The following ANO3 variants were observed in gnomAD, a reference collection of about 807,000 sequenced individuals.
The protein encoded by ANO3 is anoctamin-3.
ANO3 carries 99 observed loss-of-function variants against 144.8 expected under a neutral mutation model. The ratio of observed to expected loss-of-function variants is 0.68; its 90% confidence interval spans 0.58 to 0.81. The LOEUF (loss-of-function observed/expected upper bound fraction) is 0.81, where lower values mean the gene tolerates loss of function less well. Ranked by LOEUF, ANO3 falls within the 30% of genes least tolerant of loss-of-function variation. The probability of loss-of-function intolerance (pLI) is 0.00; values close to 1 mark genes in which losing one functional copy is unlikely to be tolerated. For synonymous variants in ANO3, 414 were observed against 392.6 expected (o/e 1.05, Z -0.64); for missense variants, 905 against 1,202.2 (o/e 0.75, Z 3.66).
intron 1 of ANO3, among the ~76,000 whole-genome samples, chr11:26,190,803 A>T (rs1264855377): frequency 1.3e-5 from 2 of 152,202 alleles, no homozygotes; most frequent in Admixed American, 6.5e-5. Flanking sequence ...CCTAGAAGAC[A>T]CTTCCACCTT....
chr11:26,219,109 A>G (rs1852091463), intron 1 of ANO3, among the ~76,000 whole-genome samples: 1 of 152,180 alleles, frequency 6.6e-6, no homozygotes, highest in Non-Finnish European at 1.5e-5. Flanking sequence ...CCTAGATGCT[A>G]GTAGCTTCCC....
intron 1 of ANO3, among the ~76,000 whole-genome samples, chr11:26,248,652 A>G (rs1852854102): frequency 6.6e-6 from 1 of 152,336 alleles, no homozygotes; most frequent in Middle Eastern, 3.4e-3. Flanking sequence ...GTTTATTCAG[A>G]CACAATGATT....
At position 26,332,444 on chromosome 11, in the gene ANO3, T is replaced by TAA. The variant is rs56225203; in HGVS notation, c.46+138_46+139dup. ...ACAGAGGTGGGGAACTCTGTGAAGT[T>TAA]AAAAAAAAAAAAAAAATTAAATTCC... On this transcript the variant is annotated intron_variant, in intron 1 of 26. Coordinates refer to ENST00000256737, the MANE Select transcript of ANO3 (RefSeq NM_031418.4). 0.033 allele frequency: 20,193 copies of TAA among 609,230 alleles called. 39 individuals carry two copies. The highest frequency in any genetic ancestry group is 0.041 in the South Asian group (1,781 of 43,254). The allele number at this position is 609,230 out of a possible 1,614,324, so 37.7% of individuals were successfully genotyped here.
intron 26 of ANO3, among the ~76,000 whole-genome samples, chr11:26,658,761 G>A (rs1853778638): frequency 6.6e-6 from 1 of 152,044 alleles, no homozygotes; most frequent in Non-Finnish European, 1.5e-5. Flanking sequence ...TATCAAGAAA[G>A]AAACTTCTGA....
intron 3 of ANO3, among the ~76,000 whole-genome samples, chr11:26,459,721 G>A (rs73445785): frequency 0.023 from 3,528 of 152,114 alleles, 163 homozygotes; most frequent in African/African-American, 0.079. Context: ...GGTATGTGCT[G>A]AAGAGTGAAA....
chr11:26,452,588 C>T (rs1399204250), intron 3 of ANO3, among the ~76,000 whole-genome samples: 1 of 152,074 alleles, frequency 6.6e-6, no homozygotes, highest in African/African-American at 2.4e-5. Flanking sequence ...TGTGAAAAGA[C>T]CAAATCTACA....
At chr11:26,457,184 C>A (rs1244348379) in intron 3 of ANO3, among the ~76,000 whole-genome samples, 1 of 150,958 alleles carries the variant, frequency 6.6e-6, no homozygotes. Context: ...GTGTAACTTA[C>A]CTGCACATTG....
At chr11:26,218,551 G>A (rs567183678) in intron 1 of ANO3, among the ~76,000 whole-genome samples, 4 of 152,038 alleles carry the variant, frequency 2.6e-5, no homozygotes, top group South Asian at 4.2e-4. Context: ...TGTCCCAAGC[G>A]ACTGCCTCAT....
At chr11:26,522,044 G>C (rs1862100067) in intron 6 of ANO3, among the ~76,000 whole-genome samples, 1 of 151,952 alleles carries the variant, frequency 6.6e-6, no homozygotes, top group Non-Finnish European at 1.5e-5. Context: ...ATTAGCCGGG[G>C]GTAGTGGCGG....
chr11:26,262,883 G>A (rs1564938990), intron 1 of ANO3, among the ~76,000 whole-genome samples: 1 of 152,122 alleles, frequency 6.6e-6, no homozygotes, highest in Non-Finnish European at 1.5e-5. Flanking sequence ...TTTCAGAACT[G>A]TGAGAAATAA....
chr11:26,429,179 T>A (rs1157633104), intron 1 of ANO3, among the ~76,000 whole-genome samples: 1 of 152,158 alleles, frequency 6.6e-6, no homozygotes, highest in East Asian at 1.9e-4. Context: ...GGGGTGCTAC[T>A]GCTGCTGACC....
In ANO3 at chr11:26,452,401, G is replaced by A. The variant is rs1466786309; in HGVS notation, c.313+8565G>A. 5.3e-5 allele frequency among the ~76,000 whole-genome samples: 8 copies of A among 152,328 alleles called. No individual in the cohort carries two copies. The East Asian group carries it at 1.4e-3, about 26-fold the overall frequency. On this transcript the variant is annotated intron_variant, in intron 3 of 26. Coordinates refer to ENST00000256737, the MANE Select transcript of ANO3 (RefSeq NM_031418.4). Reference sequence around the variant, plus strand: ...AGTGCTTAAAGGAGCTGATGGAGCTGAAAGCCAAGGCTCGAGAACTACGTG... The same window carrying A: ...AGTGCTTAAAGGAGCTGATGGAGCTAAAAGCCAAGGCTCGAGAACTACGTG...
intron 26 of ANO3, among the ~76,000 whole-genome samples, chr11:26,657,963 T>C (rs1853747728): frequency 6.6e-6 from 1 of 152,216 alleles, no homozygotes; most frequent in Non-Finnish European, 1.5e-5. Context: ...AGGAACTTTT[T>C]AGCTCGATAT....
At chr11:26,586,080 C>A (rs187383010) in intron 14 of ANO3, among the ~76,000 whole-genome samples, 1 of 152,178 alleles carries the variant, frequency 6.6e-6, no homozygotes, top group Non-Finnish European at 1.5e-5. Flanking sequence ...CTACCTCTTC[C>A]ATCAGCACAA....
At chr11:26,642,342 C>CTTTTTTTT (rs576729432) in intron 22 of ANO3, among the ~76,000 whole-genome samples, 54 of 93,056 alleles carry the variant, frequency 5.8e-4, no homozygotes, top group African/African-American at 1.0e-3. Context: ...TTCTTTCTTT[C>CTTTTTTTT]TTTTTTTTTT....
exon 1 of ANO3, chr11:26,189,142 A>T: frequency 1.1e-6 from 1 of 949,302 alleles, no homozygotes; most frequent in Non-Finnish European, 1.3e-6. Flanking sequence ...CAATAGTGTG[A>T]ACTTTACTTT....
chr11:26,381,824 A>G (rs931694603), intron 1 of ANO3, among the ~76,000 whole-genome samples: 2 of 152,320 alleles, frequency 1.3e-5, no homozygotes, highest in East Asian at 1.9e-4. Flanking sequence ...CCCAAGGGCA[A>G]TGATTGTCAG....
rs1356066948 is a variant in ANO3 at position 26,598,742 on chromosome 11, A to G, written c.1531-116A>G. ...GATGTTATTTTTAAAAGGTTGCTTT[A>G]TTGTGAAGACTTAATACAAAAGTAG... On this transcript the variant is annotated intron_variant, in intron 15 of 26. Transcript: ENST00000256737. The G allele has an allele frequency of 5.1e-6, 5 of 983,776 alleles. 1 individual carries two copies. The highest frequency in any genetic ancestry group is 7.4e-6 in the Non-Finnish European group (5 of 678,854). 60.9% of individuals were successfully genotyped at this position (983,776 alleles called of 1,614,324 possible).
intron 1 of ANO3, among the ~76,000 whole-genome samples, chr11:26,371,266 C>G (rs1856246789): frequency 1.3e-5 from 2 of 152,232 alleles, no homozygotes; most frequent in South Asian, 2.1e-4. Context: ...GCCTTGGCAG[C>G]TGCCACATGG....
Sources: gnomAD v4.1 joint callset for allele counts (sites outside exome capture counted in the v4.1 genomes callset) on GRCh38, gnomAD v4.1.1 for gene constraint, MANE v1.5 for transcripts, NCBI Gene and HGNC (gene_info 2026-07-23, HGNC 2026-07-21) for gene names.